Variants in DCLK1 observed in about 807,000 individuals in gnomAD.
The protein encoded by DCLK1 is doublecortin like kinase 1, also known as serine/threonine-protein kinase DCLK1.
Under a neutral mutation model 86.2 loss-of-function variants are expected in DCLK1, and 16 were observed. That is an observed-to-expected ratio of 0.19 (90% CI 0.13 to 0.28). The LOEUF (loss-of-function observed/expected upper bound fraction) is 0.28. DCLK1 is among the 10% of genes least tolerant of loss of function. DCLK1 has a pLI of 1.00. For missense variants in DCLK1, 590 were observed against 940.2 expected (o/e 0.63, Z 4.87); for synonymous variants, 369 against 370.5 (o/e 1.00, Z 0.05).
intron 16 of DCLK1, among the ~76,000 whole-genome samples, chr13:35,783,591 T>C (rs144901626): frequency 1.3e-5 from 2 of 152,160 alleles, no homozygotes; most frequent in Non-Finnish European, 2.9e-5. Context: ...TCAATCTCCA[T>C]GACTTTTTTT....
intron 3 of DCLK1, among the ~76,000 whole-genome samples, chr13:36,027,286 A>G (rs1882082114): frequency 6.6e-6 from 1 of 152,160 alleles, no homozygotes; most frequent in South Asian, 2.1e-4. Flanking sequence ...TCACATGTGC[A>G]TTTCACAATA....
intron 3 of DCLK1, among the ~76,000 whole-genome samples, chr13:35,999,330 C>G (rs891967984): frequency 1.3e-5 from 2 of 152,160 alleles, no homozygotes; most frequent in African/African-American, 2.4e-5. Flanking sequence ...ATGGATATGA[C>G]ATTCACTCAG....
chr13:35,928,989 G>C (rs1313056528), intron 4 of DCLK1, among the ~76,000 whole-genome samples: 2 of 152,058 alleles, frequency 1.3e-5, no homozygotes, highest in East Asian at 3.9e-4. Flanking sequence ...GAGTGCAGTG[G>C]CATGATCTCA....
chr13:36,089,410 A>C (rs1207149766), intron 3 of DCLK1, among the ~76,000 whole-genome samples: 1 of 152,148 alleles, frequency 6.6e-6, no homozygotes, highest in Non-Finnish European at 1.5e-5. Flanking sequence ...ATATAACTCT[A>C]TTTTTGGAAA....
intron 5 of DCLK1, 128 bp downstream of exon 5, chr13:35,871,096 G>A (rs1872243032): frequency 8.0e-6 from 6 of 747,366 alleles, no homozygotes; most frequent in South Asian, 1.9e-5. Flanking sequence ...ACCGCTCTAA[G>A]ATGTTCTAAA....
intron 3 of DCLK1, among the ~76,000 whole-genome samples, chr13:36,093,148 A>T (rs1276957185): frequency 6.6e-6 from 1 of 152,194 alleles, no homozygotes; most frequent in Non-Finnish European, 1.5e-5. Flanking sequence ...TTCTACATCA[A>T]ACCTTCATTA....
chr13:35,944,836 G>C (rs1877275965), intron 4 of DCLK1, among the ~76,000 whole-genome samples: 1 of 152,100 alleles, frequency 6.6e-6, no homozygotes, highest in Non-Finnish European at 1.5e-5. Context: ...GTGTGTGTGT[G>C]TTTGCATGTG....
intron 6 of DCLK1, chr13:35,850,922 T>C (rs1870578399): frequency 1.6e-6 from 1 of 642,766 alleles, no homozygotes; most frequent in South Asian, 5.7e-5. Context: ...GGAGGAAAGA[T>C]AATAATAGAG....
chr13:35,997,203 C>T (rs777858733), intron 3 of DCLK1, among the ~76,000 whole-genome samples: 1 of 152,170 alleles, frequency 6.6e-6, no homozygotes, highest in South Asian at 2.1e-4. Flanking sequence ...TGGATAATCT[C>T]GTGATCTTCT....
intron 3 of DCLK1, among the ~76,000 whole-genome samples, chr13:36,093,656 T>C (rs1271647004): frequency 6.6e-6 from 1 of 152,206 alleles, no homozygotes; most frequent in African/African-American, 2.4e-5. Context: ...CATGTCCCTA[T>C]GTTTCCAGTC....
chr13:35,791,380 T>C (rs1328708581), intron 16 of DCLK1, among the ~76,000 whole-genome samples: 4 of 151,926 alleles, frequency 2.6e-5, no homozygotes, highest in South Asian at 4.2e-4. Context: ...ATATTACCAG[T>C]TTGTGCAGTT....
intron 3 of DCLK1, among the ~76,000 whole-genome samples, chr13:36,092,768 G>T (rs890945957): frequency 6.6e-6 from 1 of 151,342 alleles, no homozygotes; most frequent in African/African-American, 2.4e-5. Flanking sequence ...TTACAGGCGT[G>T]AGCCACCGCG....
chr13:36,071,611 C>G (rs909800772), intron 3 of DCLK1, among the ~76,000 whole-genome samples: 1 of 152,140 alleles, frequency 6.6e-6, no homozygotes, highest in Non-Finnish European at 1.5e-5. Context: ...AGATGCTGGA[C>G]TAGGCATTTT....
At chr13:35,962,687 T>C (rs1488204367) in intron 3 of DCLK1, among the ~76,000 whole-genome samples, 1 of 152,236 alleles carries the variant, frequency 6.6e-6, no homozygotes, top group African/African-American at 2.4e-5. Context: ...CATTTTTCCA[T>C]TGAGCTTAGT....
intron 3 of DCLK1, among the ~76,000 whole-genome samples, chr13:35,975,049 C>A (rs1566628402): frequency 6.6e-6 from 1 of 152,148 alleles, no homozygotes; most frequent in East Asian, 1.9e-4. Flanking sequence ...GAGGGCAGAG[C>A]TTGTGTAAGG....
chr13:36,076,937 C>T (rs79511170), intron 3 of DCLK1, among the ~76,000 whole-genome samples: 2,699 of 152,280 alleles, frequency 0.018, 72 homozygotes, highest in African/African-American at 0.062. Context: ...ATCATGTAAC[C>T]TTTCTGACCT....
At chr13:35,998,485 C>G (rs1036050022) in intron 3 of DCLK1, among the ~76,000 whole-genome samples, 1 of 152,060 alleles carries the variant, frequency 6.6e-6, no homozygotes, top group African/African-American at 2.4e-5. Context: ...CCAGCCGATG[C>G]GTCTCTACCA....
At chr13:36,126,201 TTA>T (rs144431309) in intron 1 of DCLK1, 45 bp from the exon 2 acceptor site, 250,348 of 1,251,730 alleles carry the variant, frequency 0.2, 21,564 homozygotes, top group Non-Finnish European at 0.21. Context: ...TTGATGTAGG[TTA>T]TATATATATA....
At chr13:35,900,942 C>T (rs559557085) in intron 4 of DCLK1, among the ~76,000 whole-genome samples, 1 of 152,112 alleles carries the variant, frequency 6.6e-6, no homozygotes, top group East Asian at 1.9e-4. Context: ...AACTATTATG[C>T]CACAGGGAGA....
Sources: gnomAD v4.1 joint callset for allele counts (sites outside exome capture counted in the v4.1 genomes callset) on GRCh38, gnomAD v4.1.1 for gene constraint, MANE v1.5 for transcripts, NCBI Gene and HGNC (gene_info 2026-07-23, HGNC 2026-07-21) for gene names.